PDHB: variants seen among roughly 807,000 people sequenced by gnomAD.
PDHB encodes pyruvate dehydrogenase E1 subunit beta.
PDHB carries 17 observed loss-of-function variants against 42.8 expected under a neutral mutation model. That is an observed-to-expected ratio of 0.40 (90% confidence interval 0.27 to 0.60). The LOEUF (loss-of-function observed/expected upper bound fraction) is 0.60, where lower values mean the gene tolerates loss of function less well. PDHB is among the 20% of genes least tolerant of loss of function. The pLI is 0.46. For missense variants in PDHB, 322 were observed against 451.3 expected, an observed-to-expected ratio of 0.71 and a Z score of 2.60; for synonymous variants, 154 against 148.7, an observed-to-expected ratio of 1.04 and a Z score of -0.26.
In PDHB at chr3:58,428,182, A is replaced by G; in HGVS notation, c.935-3T>C. Reference sequence around the variant, plus strand: ...ATCCAGGAAATTGAACGCAGGACCTAGGAGAAGGAAGGCTCAACTGAGAGA... The same window carrying G: ...ATCCAGGAAATTGAACGCAGGACCTGGGAGAAGGAAGGCTCAACTGAGAGA... On this transcript the variant is annotated splice_polypyrimidine_tract_variant and splice_region_variant and intron_variant, in intron 9 of 9. Transcript: ENST00000302746. 1 of 1,613,962 alleles carries G rather than the reference A, an allele frequency of 6.2e-7. No individual in the cohort carries two copies.
Position 58,431,456 on chromosome 3 carries a change from G to C in PDHB, c.303+137C>G. 1 of 759,006 alleles carries C rather than the reference G, an allele frequency of 1.3e-6. No individual in the cohort carries two copies. The highest frequency in any genetic ancestry group is 2.3e-6 in the Non-Finnish European group (1 of 430,178). The allele number at this position is 759,006 out of a possible 1,614,324, so 47.0% of individuals were successfully genotyped here. A position where few individuals can be genotyped will look rare whatever the true frequency, so the allele number is the denominator to read the frequency against. On this transcript the variant is annotated intron_variant, in intron 5 of 9. Coordinates refer to ENST00000302746, the MANE Select transcript of PDHB (RefSeq NM_000925.4). This position sits in a 1 kb window ranked among gnomAD's most constrained non-coding sequence, Gnocchi z 4.4. ...CCAGCCACTATGGAGGCTGAGGCAG[G>C]AGAATTGCTTGAACCTGGAAGCTGA...
In PDHB at chr3:58,431,826, T is replaced by C. The variant is rs1274027923; in HGVS notation, c.205-33A>G. The C allele has an allele frequency of 1.9e-6, 3 of 1,609,242 alleles. No homozygotes were observed. The highest frequency in any genetic ancestry group is 2.6e-6 in the Non-Finnish European group (3 of 1,175,518). ...TAAGAGTTGATCCCTTAAGTGTATC[T>C]GGGGGTAACAGTGACCTCAATTTTG... On this transcript the variant is annotated intron_variant, in intron 3 of 9. Coordinates refer to ENST00000302746, the MANE Select transcript of PDHB (RefSeq NM_000925.4). The surrounding 1 kb of genome is among the most constrained non-coding windows in gnomAD (Gnocchi z 4.4).
rs200470565 is a variant in PDHB, at chr3:58,433,797, A to G, written c.13T>C (p.Ser5Pro). 388 of 1,611,596 alleles carry G rather than the reference A, an allele frequency of 2.4e-4. 1 individual carries two copies. Among genetic ancestry groups the G allele is most frequent in the Middle Eastern group, 6.6e-4 (4 of 6,068 alleles). MAAV[S>P]GLVRRPLREV... ...CGAAGGGGTCTCCGCACCAAGCCAG[A>G]CACCGCCGCCATCTTGGTCGTGTCC... The change falls in exon 1 of 10, where the codon TCT becomes CCT. Residue 5 changes from serine to proline, a missense_variant. Physicochemically the swap from Ser to Pro is moderately conservative, Grantham distance 74. This residue lies in a region of PDHB where 58 missense variants were observed against 42.1 expected (regional missense o/e 1.38). Coordinates refer to ENST00000302746, the MANE Select transcript of PDHB (RefSeq NM_000925.4).
intron 8 of PDHB, 109 bp downstream of exon 8, chr3:58,429,599 G>A (rs1353300282): frequency 1.3e-6 from 1 of 792,006 alleles, no homozygotes; most frequent in African/African-American, 1.7e-5. Context: ...ACAGAAATGA[G>A]TGACAAAGCA....
intron 1 of PDHB, 41 bp downstream of exon 1, chr3:58,433,727 C>T (rs1388176842): frequency 1.9e-6 from 3 of 1,612,410 alleles, no homozygotes; most frequent in Non-Finnish European, 2.5e-6. Flanking sequence ...GCAGGGTGGG[C>T]AGGGGTCGCG....
In PDHB at chr3:58,431,233, G is replaced by C. The variant is rs896825384; in HGVS notation, c.304-291C>G. 4.2e-6 allele frequency: 2 copies of C among 476,980 alleles called. No homozygotes were observed. Among genetic ancestry groups the C allele is most frequent in the African/African-American group, 3.9e-5 (2 of 51,288 alleles). The allele number at this position is 476,980 out of a possible 1,614,324, so 29.5% of individuals were successfully genotyped here. A position where few individuals can be genotyped will look rare whatever the true frequency, so the allele number is the denominator to read the frequency against. Reference sequence around the variant, plus strand: ...TTGGTATTTTTTTTTTTTCCCAAATGATGTTTTTAAAAGGTGATGTTAAAT... The same window carrying C: ...TTGGTATTTTTTTTTTTTCCCAAATCATGTTTTTAAAAGGTGATGTTAAAT... On this transcript the variant is annotated intron_variant, in intron 5 of 9. Coordinates refer to ENST00000302746, the MANE Select transcript of PDHB (RefSeq NM_000925.4). This position sits in a 1 kb window ranked among gnomAD's most constrained non-coding sequence, Gnocchi z 4.4.
rs981644233 is a variant in PDHB, at chr3:58,433,774, A to G, written c.36T>C (p.Leu12=). ...AAVSGLVRRP[L]REVSGLLKRR... ...GCCGCGCGCTGCTGCCTACCTCCCG[A>G]AGGGGTCTCCGCACCAAGCCAGACA... Residue 12 remains leucine, a synonymous_variant, in exon 1 of 10, where the codon CTT becomes CTC. Coordinates refer to ENST00000302746, the MANE Select transcript of PDHB (RefSeq NM_000925.4). 3 of 1,612,292 alleles carry G rather than the reference A, an allele frequency of 1.9e-6. No homozygotes were observed. The African/African-American group carries it at 4.0e-5, about 22-fold the overall frequency.
In PDHB at chr3:58,430,857, G is replaced by C; in HGVS notation, c.389C>G (p.Thr130Ser). 6.8e-6 allele frequency: 11 copies of C among 1,614,094 alleles called. No homozygotes were observed. Among genetic ancestry groups the C allele is most frequent in the Non-Finnish European group, 9.3e-6 (11 of 1,179,948 alleles). Residue 130 changes from threonine (T) to serine (S), a missense_variant, in exon 6 of 10, where the codon ACC (threonine) becomes AGC (serine). Physicochemically the swap from Thr to Ser is moderately conservative, Grantham distance 58. Coordinates refer to ENST00000302746, the MANE Select transcript of PDHB (RefSeq NM_000925.4). ...CTGAAGGCCACCAGACATGTAGTAGGTCTTGGCAGCTGAGTTTATAACCTG... is the reference window on the plus strand; with the variant it reads ...CTGAAGGCCACCAGACATGTAGTAGCTCTTGGCAGCTGAGTTTATAACCTG... The part of the protein sequence containing the change: ...IDQVINSAAK[T>S]YYMSGGLQPV...
Position 58,428,173 on chromosome 3 carries a change from G to A in PDHB, c.941C>T (p.Ala314Val), listed in dbSNP as rs770940287. The A allele has an allele frequency of 5.6e-6, 9 of 1,613,818 alleles. No homozygotes were observed. Among genetic ancestry groups the A allele is most frequent in the East Asian group, 4.5e-5 (2 of 44,900 alleles). Reference sequence around the variant, plus strand: ...AGCAGGAGCATCCAGGAAATTGAACGCAGGACCTAGGAGAAGGAAGGCTCA... The same window carrying A: ...AGCAGGAGCATCCAGGAAATTGAACACAGGACCTAGGAGAAGGAAGGCTCA... ...EICARIMEGP[A>V]FNFLDAPAVR... The change falls in exon 10 of 10, where the codon GCG becomes GTG. Residue 314 changes from alanine (A) to valine (V), a missense_variant. Ala to Val is a moderately conservative substitution (Grantham distance 64, BLOSUM62 0). Transcript: ENST00000302746.
chr3:58,429,883 C>A, intron 7 of PDHB, 84 bp from the exon 8 acceptor site: 1 of 865,138 alleles, frequency 1.2e-6, no homozygotes, highest in South Asian at 1.3e-5. Context: ...GGCTCTTGTT[C>A]ATTCATAAAG....
In PDHB at chr3:58,428,133, A is replaced by C; in HGVS notation, c.981T>G (p.Gly327=). Residue 327 remains glycine, a synonymous_variant, in exon 10 of 10, where the codon GGT becomes GGG. Coordinates refer to ENST00000302746, the MANE Select transcript of PDHB (RefSeq NM_000925.4). The part of the protein sequence containing the change: ...FLDAPAVRVT[G]ADVPMPYAKI... Reference sequence around the variant, plus strand: ...TTGCATAAGGCATAGGGACATCAGCACCAGTGACACGAACAGCAGGAGCAT... The same window carrying C: ...TTGCATAAGGCATAGGGACATCAGCCCCAGTGACACGAACAGCAGGAGCAT... The C allele has an allele frequency of 6.2e-7, 1 of 1,613,586 alleles. No individual in the cohort carries two copies. The highest frequency in any genetic ancestry group is 1.7e-5 in the Admixed American group (1 of 60,026).
chr3:58,433,589 G>A (rs780834096), intron 2 of PDHB, 42 bp downstream of exon 2: 52 of 1,579,842 alleles, frequency 3.3e-5, no homozygotes, highest in East Asian at 4.6e-5. Flanking sequence ...GAGAAGGGGG[G>A]ACCCTCCCCG....
At position 58,433,796 on chromosome 3, in the gene PDHB, G is replaced by A. The variant is rs1053613186; in HGVS notation, c.14C>T (p.Ser5Phe). The stretch of plus-strand genomic sequence containing the variant: ...CCGAAGGGGTCTCCGCACCAAGCCA[G>A]ACACCGCCGCCATCTTGGTCGTGTC... MAAV[S>F]GLVRRPLREV... The change falls in exon 1 of 10, where the codon TCT (serine) becomes TTT (phenylalanine). Residue 5 changes from serine (S) to phenylalanine (F), a missense_variant. By Grantham distance (155) the Ser-to-Phe change is radical. Around this residue, in one of 3 missense-constraint regions of PDHB, gnomAD observed 58 missense variants for 42.1 expected, o/e 1.38. Transcript: ENST00000302746. The A allele has an allele frequency of 8.7e-6, 14 of 1,611,722 alleles. No homozygotes were observed. Among genetic ancestry groups the A allele is most frequent in the Non-Finnish European group, 1.2e-5 (14 of 1,179,518 alleles).
chr3:58,428,801 G>T, intron 8 of PDHB, 187 bp from the exon 9 acceptor site: 1 of 609,004 alleles, frequency 1.6e-6, no homozygotes, highest in South Asian at 2.0e-5. Flanking sequence ...ACAAAGATCT[G>T]TATGTCTACC....
chr3:58,428,379 C>T, intron 9 of PDHB, 94 bp downstream of exon 9: 1 of 1,439,344 alleles, frequency 6.9e-7, no homozygotes, highest in Non-Finnish European at 9.8e-7. Context: ...CGTTTGGCCA[C>T]TCCTAGCTTT....
chr3:58,433,584 G>A (rs754359135), intron 2 of PDHB, 47 bp downstream of exon 2: 6 of 1,572,826 alleles, frequency 3.8e-6, no homozygotes, highest in Non-Finnish European at 5.2e-6. Context: ...CCCGAGAGAA[G>A]GGGGGACCCT....
chr3:58,431,867 T>G lies in PDHB; in HGVS notation c.204+10A>C. On this transcript the variant is annotated intron_variant, in intron 3 of 9. Coordinates refer to ENST00000302746, the MANE Select transcript of PDHB (RefSeq NM_000925.4). The surrounding 1 kb of genome is among the most constrained non-coding windows in gnomAD (Gnocchi z 4.4). ...CTCAATTTTGTATAACTTTCATATA[T>G]TTTAGTTACCTTGTATGCCCCATCA... 1 of 1,608,766 alleles carries G rather than the reference T, an allele frequency of 6.2e-7. No homozygotes were observed.
At chr3:58,433,410 A>T in intron 2 of PDHB, 1 of 602,666 alleles carries the variant, frequency 1.7e-6, no homozygotes, top group Non-Finnish European at 3.0e-6. Flanking sequence ...GCCTAGTCTT[A>T]GTTTTCCCCC....
At chr3:58,430,312 T>C in intron 6 of PDHB, 74 bp from the exon 7 acceptor site, 2 of 1,005,472 alleles carry the variant, frequency 2.0e-6, no homozygotes, top group Non-Finnish European at 3.1e-6. Flanking sequence ...GAAAGCAATA[T>C]CATTCATCTT....
Sources: allele counts gnomAD v4.1 joint callset, GRCh38; gene constraint gnomAD v4.1.1; regional missense constraint gnomAD v4.1.1; non-coding constraint Gnocchi (gnomAD v3.1); transcripts MANE v1.5; gene names NCBI Gene and HGNC (gene_info 2026-07-23, HGNC 2026-07-21).